The following USP33 variants were observed in gnomAD, a reference collection of about 807,000 sequenced individuals.
USP33 encodes ubiquitin carboxyl-terminal hydrolase 33.
In USP33, 46 loss-of-function variants were observed where a neutral mutation model predicts 124.2. That is an observed-to-expected ratio of 0.37 (90% CI 0.29 to 0.47). USP33 has a LOEUF of 0.47. USP33 is among the 20% of genes least tolerant of loss of function. The pLI is 0.99. For synonymous variants in USP33, 350 were observed against 352.3 expected (o/e 0.99, Z 0.07); for missense variants, 851 against 1,070.6 (o/e 0.79, Z 2.86).
intron 7 of USP33, among the ~76,000 whole-genome samples, chr1:77,732,774 G>C (rs1388686876): frequency 6.8e-6 from 1 of 148,064 alleles, no homozygotes; most frequent in African/African-American, 2.5e-5. Context: ...TCAAGTTTCA[G>C]AGTAAATGTC....
At chr1:77,703,530 AG>A (rs1674273634) in intron 21 of USP33, among the ~76,000 whole-genome samples, 1 of 152,198 alleles carries the variant, frequency 6.6e-6, no homozygotes, top group Non-Finnish European at 1.5e-5. Context: ...AGGCTGAGGC[AG>A]GAGAATCACT....
intron 11 of USP33, among the ~76,000 whole-genome samples, chr1:77,723,732 C>T (rs963570668): frequency 2.6e-5 from 4 of 151,898 alleles, no homozygotes; most frequent in Admixed American, 1.3e-4. Context: ...GGTGCGATCT[C>T]GGCTCACTGC....
intron 1 of USP33, among the ~76,000 whole-genome samples, chr1:77,746,136 A>G (rs1265175758): frequency 2.6e-5 from 4 of 152,204 alleles, no homozygotes; most frequent in Non-Finnish European, 5.9e-5. Context: ...GACCGCTAGC[A>G]AGACTAATAA....
intron 23 of USP33, 160 bp from the exon 24 acceptor site, chr1:77,697,634 T>C: frequency 1.0e-6 from 1 of 968,228 alleles, no homozygotes; most frequent in Non-Finnish European, 1.5e-6. Flanking sequence ...AGCTGAAACA[T>C]ATGGCTTGTC....
At chr1:77,707,708 A>G (rs1674787643) in intron 21 of USP33, among the ~76,000 whole-genome samples, 1 of 152,160 alleles carries the variant, frequency 6.6e-6, no homozygotes, top group Non-Finnish European at 1.5e-5. Flanking sequence ...TACATTCACA[A>G]CCAGCCAGGG....
rs754150466 is a variant in USP33, at chr1:77,718,584, T to C, written c.1737+12A>G. ...CCACACAATATAAGTTGAATTAAAA[T>C]AATGCCCATACCTCAGGAAAGTTTT... is the stretch of plus-strand genomic sequence containing the variant. On this transcript the variant is annotated intron_variant, in intron 16 of 23. Transcript: ENST00000370794. The C allele has an allele frequency of 2.5e-6, 4 of 1,586,538 alleles. No homozygotes were observed. The South Asian group carries it at 3.4e-5, about 13-fold the overall frequency.
intron 20 of USP33, among the ~76,000 whole-genome samples, chr1:77,712,098 CCAA>C (rs1280326055): frequency 5.9e-5 from 9 of 152,178 alleles, no homozygotes; most frequent in African/African-American, 2.2e-4. Flanking sequence ...AATGTTAGAG[CCAA>C]CAACAAACTA....
At position 77,741,433 on chromosome 1, in the gene USP33, T is replaced by C. The variant is rs930048420; in HGVS notation, c.82-4A>G. On this transcript the variant is annotated splice_polypyrimidine_tract_variant and splice_region_variant and intron_variant, in intron 2 of 23. Transcript: ENST00000370794. ...CTTTACAATCCTGACAAGTACCCTA[T>C]AAAAAGAAATTAAAAAGACAACATT... 7.5e-6 allele frequency: 12 copies of C among 1,605,742 alleles called. No individual in the cohort carries two copies. The highest frequency in any genetic ancestry group is 4.0e-5 in the African/African-American group (3 of 74,360).
chr1:77,700,012 G>A (rs897821892), intron 22 of USP33, among the ~76,000 whole-genome samples: 35 of 151,876 alleles, frequency 2.3e-4, no homozygotes, highest in African/African-American at 8.5e-4. Context: ...AGGACACAGG[G>A]AGGAGAACAC....
At position 77,739,253 on chromosome 1, in the gene USP33, C is replaced by A. The variant is rs762063674; in HGVS notation, c.351+12G>T. 4 of 1,601,460 alleles carry A rather than the reference C, an allele frequency of 2.5e-6. No homozygotes were observed. The highest frequency in any genetic ancestry group is 3.4e-6 in the Non-Finnish European group (4 of 1,176,078). On this transcript the variant is annotated intron_variant, in intron 5 of 23. Transcript: ENST00000370794. ...TGTTTTACAGCTTAACTAAGTGGATCTAGATTATTACCTGGACACTGTTTT... is the reference window on the plus strand; with the variant it reads ...TGTTTTACAGCTTAACTAAGTGGATATAGATTATTACCTGGACACTGTTTT...
intron 21 of USP33, among the ~76,000 whole-genome samples, chr1:77,710,873 T>C (rs373342521): frequency 6.6e-6 from 1 of 152,228 alleles, no homozygotes; most frequent in South Asian, 2.1e-4. Flanking sequence ...GTTATGTTAC[T>C]GACAACAGTA....
intron 3 of USP33, 123 bp downstream of exon 3, chr1:77,741,253 C>A (rs1679085195): frequency 4.2e-6 from 4 of 950,316 alleles, no homozygotes; most frequent in Admixed American, 2.7e-5. Flanking sequence ...TAATAATGAC[C>A]TTTTAAAAGC....
intron 21 of USP33, chr1:77,711,528 TAC>T (rs66475824): frequency 0.65 from 228,293 of 351,054 alleles, 61,284 homozygotes; most frequent in Admixed American, 0.77. Flanking sequence ...TTTTGTCTCA[TAC>T]ACACACACAC....
At chr1:77,753,006 G>A (rs1680481879) in intron 1 of USP33, among the ~76,000 whole-genome samples, 1 of 152,122 alleles carries the variant, frequency 6.6e-6, no homozygotes, top group Non-Finnish European at 1.5e-5. Context: ...TGGAACCCGC[G>A]AAGAGGAGGT....
intron 15 of USP33, 56 bp from the exon 16 acceptor site, chr1:77,718,697 A>G: frequency 7.4e-7 from 1 of 1,356,318 alleles, no homozygotes; most frequent in South Asian, 1.2e-5. Context: ...GTATATTTAA[A>G]TTTGCAACAA....
intron 1 of USP33, among the ~76,000 whole-genome samples, chr1:77,751,862 G>C (rs1338836164): frequency 1.3e-5 from 2 of 151,894 alleles, no homozygotes; most frequent in Non-Finnish European, 2.9e-5. Context: ...CTAATTTTTT[G>C]TATTTCCAGT....
intron 22 of USP33, among the ~76,000 whole-genome samples, chr1:77,700,421 C>T (rs1673873973): frequency 6.6e-6 from 1 of 152,032 alleles, no homozygotes; most frequent in African/African-American, 2.4e-5. Flanking sequence ...CACTGTGAGA[C>T]CATGTCTCTA....
chr1:77,722,896 T>A (rs1024118836), intron 12 of USP33, among the ~76,000 whole-genome samples: 3 of 152,254 alleles, frequency 2.0e-5, no homozygotes, highest in African/African-American at 7.2e-5. Flanking sequence ...CTACCTTTAG[T>A]ATCTGAGTCC....
chr1:77,752,138 C>T (rs1680398603), intron 1 of USP33, among the ~76,000 whole-genome samples: 1 of 149,730 alleles, frequency 6.7e-6, no homozygotes, highest in South Asian at 2.1e-4. Context: ...GTTATTAGTA[C>T]AATTTTTTTT....
Sources: allele counts gnomAD v4.1 joint callset (sites outside exome capture counted in the v4.1 genomes callset), GRCh38; gene constraint gnomAD v4.1.1; transcripts MANE v1.5; gene names NCBI Gene and HGNC (gene_info 2026-07-23, HGNC 2026-07-21).